The following BAZ1A variants were observed in gnomAD, a reference collection of about 807,000 sequenced individuals.
BAZ1A encodes bromodomain adjacent to zinc finger domain protein 1A.
In BAZ1A, 50 loss-of-function variants were observed where a neutral mutation model predicts 185.2. That is an observed-to-expected ratio of 0.27 (90% confidence interval 0.22 to 0.34). BAZ1A has a LOEUF of 0.34. Among genes scored for constraint, BAZ1A ranks in the 10% least tolerant of loss-of-function variants. The pLI is 1.00. For synonymous variants in BAZ1A, 571 were observed against 615.6 expected, an observed-to-expected ratio of 0.93 and a Z score of 1.07; for missense variants, 1,356 against 1,839.9, an observed-to-expected ratio of 0.74 and a Z score of 4.81.
chr14:34,770,005 G>A (rs1265524011), intron 21 of BAZ1A, among the ~76,000 whole-genome samples: 1 of 152,092 alleles, frequency 6.6e-6, no homozygotes, highest in Non-Finnish European at 1.5e-5. Flanking sequence ...CTTATGGTAC[G>A]ATTATCAATT....
chr14:34,783,300 C>CCATGCTAAAATCTAAATCCATGA, intron 15 of BAZ1A, 68 bp from the exon 16 acceptor site: 1 of 883,574 alleles, frequency 1.1e-6, no homozygotes, highest in Non-Finnish European at 1.8e-6. Flanking sequence ...AGCATCTTGT[C>CCATGCTAAAATCTAAATCCATGA]TTTAATCAAA....
intron 3 of BAZ1A, among the ~76,000 whole-genome samples, chr14:34,846,886 A>G (rs2042521079): frequency 1.3e-5 from 2 of 152,196 alleles, no homozygotes. Context: ...GTACCTCAGA[A>G]CTTAAAAAAA....
chr14:34,770,194 C>A (rs1191087272), intron 21 of BAZ1A, among the ~76,000 whole-genome samples: 2 of 152,126 alleles, frequency 1.3e-5, no homozygotes, highest in Non-Finnish European at 2.9e-5. Context: ...TCTCTTGTTG[C>A]CCAGGCTGGA....
At chr14:34,755,048 T>C (rs981457745) in intron 25 of BAZ1A, 134 bp from the exon 26 acceptor site, 4 of 570,996 alleles carry the variant, frequency 7.0e-6, no homozygotes, top group Non-Finnish European at 1.2e-5. Flanking sequence ...GACTCTCTCC[T>C]CTCTATATAG....
At chr14:34,766,602 C>T (rs558278511) in intron 21 of BAZ1A, among the ~76,000 whole-genome samples, 23 of 152,224 alleles carry the variant, frequency 1.5e-4, no homozygotes, top group African/African-American at 5.5e-4. Flanking sequence ...GTTGATTCAC[C>T]TAGACTTCGG....
chr14:34,761,710 A>T, intron 24 of BAZ1A, 47 bp downstream of exon 24: 1 of 1,485,698 alleles, frequency 6.7e-7, no homozygotes, highest in Non-Finnish European at 9.2e-7. Flanking sequence ...GATATTTCCA[A>T]ATTATTCAAT....
intron 12 of BAZ1A, among the ~76,000 whole-genome samples, chr14:34,790,132 A>AT (rs1181639362): frequency 2.0e-5 from 3 of 147,746 alleles, no homozygotes; most frequent in East Asian, 2.0e-4. Context: ...TGCCAGACTT[A>AT]TTTTTTTTCC....
Position 34,792,864 on chromosome 14 carries a change from A to C in BAZ1A, c.1421T>G (p.Leu474Arg). ...NDSEGPLCEL[L>R]FFFLTAIFQA... ...GAAGATTGCAGTCAGGAAGAAAAAA[A>C]GCAATTCACACAGTGGGCCTTCACT... The change falls in exon 12 of 27, where the codon CTT (leucine) becomes CGT (arginine). Residue 474 changes from leucine to arginine, a missense_variant. Physicochemically the swap from Leu to Arg is moderately radical, Grantham distance 102. This residue lies in a region of BAZ1A where 184 missense variants were observed against 355.1 expected (regional missense o/e 0.52). Coordinates refer to ENST00000360310, the MANE Select transcript of BAZ1A (RefSeq NM_013448.3). 1 of 1,613,974 alleles carries C rather than the reference A, an allele frequency of 6.2e-7. No individual in the cohort carries two copies.
At chr14:34,833,079 C>A (rs8003944) in intron 3 of BAZ1A, among the ~76,000 whole-genome samples, 88,158 of 151,816 alleles carry the variant, frequency 0.58, 25,808 homozygotes, top group South Asian at 0.67. Context: ...CTCTACAAAA[C>A]AAAAATTTAA....
intron 3 of BAZ1A, among the ~76,000 whole-genome samples, chr14:34,857,806 T>TA (rs1316985816): frequency 6.6e-6 from 1 of 152,190 alleles, no homozygotes; most frequent in East Asian, 1.9e-4. Context: ...TCCCTCTGTC[T>TA]AGAGAGTTCT....
At chr14:34,863,269 T>A (rs2042802150) in intron 2 of BAZ1A, among the ~76,000 whole-genome samples, 1 of 149,224 alleles carries the variant, frequency 6.7e-6, no homozygotes, top group South Asian at 2.1e-4. Flanking sequence ...GGTTCAAGGA[T>A]TCTCCTGCCT....
chr14:34,768,074 C>G (rs927887981), intron 21 of BAZ1A, among the ~76,000 whole-genome samples: 2 of 152,074 alleles, frequency 1.3e-5, no homozygotes, highest in African/African-American at 4.8e-5. Flanking sequence ...TTATCTTAAA[C>G]CTTGCTTTCC....
At chr14:34,785,639 A>G in intron 14 of BAZ1A, 138 bp downstream of exon 14, 1 of 668,934 alleles carries the variant, frequency 1.5e-6, no homozygotes, top group South Asian at 2.1e-5. Context: ...AGTTAATATG[A>G]ATAATAACAA....
At chr14:34,764,685 T>C (rs1479099362) in intron 23 of BAZ1A, 22 bp downstream of exon 23, 1 of 1,575,226 alleles carries the variant, frequency 6.3e-7, no homozygotes, top group South Asian at 1.1e-5. Context: ...ACTGACTCAT[T>C]TTATTGCATG....
At chr14:34,838,485 C>T (rs1200407) in intron 3 of BAZ1A, among the ~76,000 whole-genome samples, 143,996 of 152,034 alleles carry the variant, frequency 0.95, 68,698 homozygotes, top group East Asian at 1. Flanking sequence ...GATACTGTAC[C>T]ATAATTTTGC....
chr14:34,771,333 G>T, intron 21 of BAZ1A, 178 bp downstream of exon 21: 1 of 645,118 alleles, frequency 1.6e-6, no homozygotes. Flanking sequence ...CTTCACAAAA[G>T]ACTGTATTAT....
chr14:34,777,328 C>T (rs7153289), intron 17 of BAZ1A, among the ~76,000 whole-genome samples: 35,503 of 152,180 alleles, frequency 0.23, 4,469 homozygotes, highest in Non-Finnish European at 0.28. Context: ...AAGTATCATT[C>T]TTCTTTTTTC....
intron 3 of BAZ1A, among the ~76,000 whole-genome samples, chr14:34,831,435 A>C (rs1216031431): frequency 6.6e-6 from 1 of 152,228 alleles, no homozygotes; most frequent in Non-Finnish European, 1.5e-5. Flanking sequence ...ATCCTGCTAC[A>C]TGGAGGAGAC....
At chr14:34,863,057 C>T (rs12878766) in intron 2 of BAZ1A, among the ~76,000 whole-genome samples, 3 of 146,024 alleles carry the variant, frequency 2.1e-5, no homozygotes, top group East Asian at 2.0e-4. Flanking sequence ...GGCCGGATCT[C>T]GGCTCACTGC....
Sources: allele counts gnomAD v4.1 joint callset (sites outside exome capture counted in the v4.1 genomes callset), GRCh38; gene constraint gnomAD v4.1.1; regional missense constraint gnomAD v4.1.1; transcripts MANE v1.5; gene names NCBI Gene and HGNC (gene_info 2026-07-23, HGNC 2026-07-21).